Variants in HDAC4 observed in about 807,000 individuals in gnomAD.
HDAC4 encodes histone deacetylase A.
Under a neutral mutation model 135.1 loss-of-function variants are expected in HDAC4, and 16 were observed. That is an observed-to-expected ratio of 0.12 (90% CI 0.08 to 0.18). The LOEUF is 0.18. HDAC4 is among the 10% of genes least tolerant of loss of function. The pLI is 1.00. For missense variants in HDAC4, 1,143 were observed against 1,511.8 expected, an observed-to-expected ratio of 0.76 and a Z score of 4.05; for synonymous variants, 685 against 653.4, an observed-to-expected ratio of 1.05 and a Z score of -0.74.
At chr2:239,298,443 G>A in intron 2 of HDAC4, 3 of 1,150,742 alleles carry the variant, frequency 2.6e-6, no homozygotes, top group Admixed American at 3.9e-5. Context: ...TGCACACCGT[G>A]GATACTCTAG....
chr2:239,125,477 G>A (rs1214247741), intron 12 of HDAC4, among the ~76,000 whole-genome samples: 4 of 152,152 alleles, frequency 2.6e-5, no homozygotes, highest in African/African-American at 7.2e-5. Context: ...TATGAATCAC[G>A]CAGTCTGAGG....
Position 239,050,658 on chromosome 2 carries a change from C to T in HDAC4, c.*2439G>A, listed in dbSNP as rs1024676192. On this transcript the variant is annotated 3_prime_UTR_variant, in exon 27 of 27. Coordinates refer to ENST00000543185, the MANE Select transcript of HDAC4 (RefSeq NM_001378414.1). ...AAGTTTGAGTTAATTTCAGAAGCTA[C>T]CCTGTAAACTTTACCAAACTCCGAA... is the stretch of plus-strand genomic sequence containing the variant. 6.6e-5 allele frequency: 10 copies of T among 152,660 alleles called. No homozygotes were observed. Among genetic ancestry groups the T allele is most frequent in the African/African-American group, 2.4e-4 (10 of 41,448 alleles). 9.5% of individuals were successfully genotyped at this position (152,660 alleles called of 1,614,324 possible). A position where few individuals can be genotyped will look rare whatever the true frequency, so the allele number is the denominator to read the frequency against.
intron 1 of HDAC4, among the ~76,000 whole-genome samples, chr2:239,361,207 T>C (rs145825976): frequency 3.9e-4 from 60 of 152,326 alleles, no homozygotes; most frequent in African/African-American, 1.4e-3. Flanking sequence ...AGGCACACAG[T>C]AGGCACACAA....
intron 2 of HDAC4, among the ~76,000 whole-genome samples, chr2:239,280,075 C>T (rs1318547206): frequency 6.6e-6 from 1 of 152,140 alleles, no homozygotes; most frequent in East Asian, 1.9e-4. Flanking sequence ...GATTCCAGCT[C>T]GTCAGCTAAG....
rs1397631624 is a variant in HDAC4, at chr2:239,307,051, A to C, written c.22+45627T>G. Among the ~76,000 whole-genome samples, 1 of 152,082 alleles carries C rather than the reference A, an allele frequency of 6.6e-6. No homozygotes were observed. Among genetic ancestry groups the C allele is most frequent in the African/African-American group, 2.4e-5 (1 of 41,428 alleles). The stretch of plus-strand genomic sequence containing the variant: ...TTCCCACTCTCGCCCTCCGGCCTTC[A>C]TTCAGCACTCTGGTGAGCCCAGAGG... On this transcript the variant is annotated intron_variant, in intron 2 of 26. Transcript: ENST00000543185. The surrounding 1 kb of genome is among the most constrained non-coding windows in gnomAD (Gnocchi z 4.8).
chr2:239,215,143 A>G (rs1042220171), intron 3 of HDAC4, among the ~76,000 whole-genome samples: 1 of 152,222 alleles, frequency 6.6e-6, no homozygotes, highest in Non-Finnish European at 1.5e-5. Flanking sequence ...CTCAGTGGAA[A>G]CAAGGAGTGG....
intron 24 of HDAC4, among the ~76,000 whole-genome samples, chr2:239,062,346 C>T (rs1020871019): frequency 5.3e-5 from 8 of 152,320 alleles, no homozygotes; most frequent in African/African-American, 1.7e-4. Context: ...TCACAGCTGG[C>T]GGCCCCGCCT....
intron 3 of HDAC4, among the ~76,000 whole-genome samples, chr2:239,200,720 G>A (rs1383603405): frequency 1.3e-5 from 2 of 152,184 alleles, no homozygotes; most frequent in Non-Finnish European, 2.9e-5. Flanking sequence ...ATTTATGGAT[G>A]TGCACAGGGG....
intron 4 of HDAC4, among the ~76,000 whole-genome samples, chr2:239,187,737 T>C (rs893891052): frequency 6.6e-6 from 1 of 152,216 alleles, no homozygotes; most frequent in Non-Finnish European, 1.5e-5. Flanking sequence ...CCAAAGGGTA[T>C]GGTGCTTGTG....
At chr2:239,108,213 C>T (rs539449597) in intron 14 of HDAC4, 30 bp from the exon 15 acceptor site, 29 of 1,581,158 alleles carry the variant, frequency 1.8e-5, no homozygotes, top group South Asian at 5.7e-5. Flanking sequence ...CCAAGATCAG[C>T]GCACATCCAG....
At chr2:239,314,829 A>G (rs2053047864) in intron 2 of HDAC4, among the ~76,000 whole-genome samples, 2 of 152,162 alleles carry the variant, frequency 1.3e-5, no homozygotes, top group South Asian at 4.2e-4. Context: ...TAAGCTCCCA[A>G]CCATCTGAAT....
intron 4 of HDAC4, among the ~76,000 whole-genome samples, chr2:239,181,630 C>T (rs939394683): frequency 8.5e-5 from 13 of 152,258 alleles, no homozygotes; most frequent in Non-Finnish European, 1.9e-4. Context: ...CCTCCGAAGA[C>T]TCACAGGCGG....
At chr2:239,332,747 TA>T (rs1361119097) in intron 2 of HDAC4, among the ~76,000 whole-genome samples, 2 of 151,924 alleles carry the variant, frequency 1.3e-5, no homozygotes, top group African/African-American at 4.8e-5. Flanking sequence ...TTTATTTTTT[TA>T]AATTCAATTT....
chr2:239,338,914 C>T (rs11884598), intron 2 of HDAC4, among the ~76,000 whole-genome samples: 1 of 152,050 alleles, frequency 6.6e-6, no homozygotes, highest in Non-Finnish European at 1.5e-5. Flanking sequence ...GGTTCGGTTC[C>T]CCAGTGGCTG....
At chr2:239,391,350 G>A (rs1021821560) in intron 1 of HDAC4, among the ~76,000 whole-genome samples, 38 of 152,268 alleles carry the variant, frequency 2.5e-4, no homozygotes, top group Non-Finnish European at 2.9e-5. Context: ...AAGGTCCTTC[G>A]GGGAGACGTC....
chr2:239,260,862 C>A (rs1303503240), intron 2 of HDAC4, among the ~76,000 whole-genome samples: 1 of 152,188 alleles, frequency 6.6e-6, no homozygotes, highest in Non-Finnish European at 1.5e-5. Context: ...TGGGGACTCA[C>A]ACCTTGAACC....
At chr2:239,096,014 A>AC (rs1192616217) in intron 16 of HDAC4, among the ~76,000 whole-genome samples, 1 of 151,766 alleles carries the variant, frequency 6.6e-6, no homozygotes, top group African/African-American at 2.4e-5. Flanking sequence ...GCTGGGCTGT[A>AC]CCCCCCGCTG....
At position 239,349,449 on chromosome 2, in the gene HDAC4, G is replaced by T. The variant is rs1692964135; in HGVS notation, c.22+3229C>A. On this transcript the variant is annotated intron_variant, in intron 2 of 26. Transcript: ENST00000543185. This position sits in a 1 kb window ranked among gnomAD's most constrained non-coding sequence, Gnocchi z 5.7. Reference sequence around the variant, plus strand: ...ACTAAAATGATGAAAAGCAGGATTGGAAAGCACTTCCAGCAATGCCTGGGA... The same window carrying T: ...ACTAAAATGATGAAAAGCAGGATTGTAAAGCACTTCCAGCAATGCCTGGGA... 2.0e-5 allele frequency among the ~76,000 whole-genome samples: 3 copies of T among 152,240 alleles called. No individual in the cohort carries two copies. The highest frequency in any genetic ancestry group is 4.4e-5 in the Non-Finnish European group (3 of 68,044).
At chr2:239,231,407 C>T (rs188793150) in intron 3 of HDAC4, among the ~76,000 whole-genome samples, 8 of 152,116 alleles carry the variant, frequency 5.3e-5, no homozygotes, top group Non-Finnish European at 7.4e-5. Flanking sequence ...ATATGCTGAG[C>T]GACCCTGGGA....
Sources: allele counts gnomAD v4.1 joint callset (sites outside exome capture counted in the v4.1 genomes callset), GRCh38; gene constraint gnomAD v4.1.1; non-coding constraint Gnocchi (gnomAD v3.1); transcripts MANE v1.5; gene names NCBI Gene and HGNC (gene_info 2026-07-23, HGNC 2026-07-21).